SYNE2: variants seen among roughly 807,000 people sequenced by gnomAD.
The protein encoded by SYNE2 is spectrin repeat containing nuclear envelope protein 2.
SYNE2 carries 431 observed loss-of-function variants against 856.3 expected under a neutral mutation model. The ratio of observed to expected loss-of-function variants is 0.50; its 90% CI spans 0.47 to 0.55. The LOEUF (loss-of-function observed/expected upper bound fraction) is 0.55. Among genes scored for constraint, SYNE2 ranks in the 20% least tolerant of loss-of-function variants. SYNE2 has a pLI of 0.00. For synonymous variants in SYNE2, 2,923 were observed against 2,872.3 expected (o/e 1.02, Z -0.56); for missense variants, 8,129 against 8,023.2 (o/e 1.01, Z -0.50).
intron 1 of SYNE2, among the ~76,000 whole-genome samples, chr14:63,809,342 T>C (rs1204353416): frequency 6.6e-6 from 1 of 152,228 alleles, no homozygotes; most frequent in Non-Finnish European, 1.5e-5. Flanking sequence ...ATTTTCTCAA[T>C]ATTAAGAGTT....
Position 64,027,486 on chromosome 14 carries a change from A to G in SYNE2, c.6407A>G (p.His2136Arg). Residue 2136 changes from histidine (H) to arginine (R), a missense_variant and splice_region_variant, in exon 43 of 116, where the codon CAT (histidine) becomes CGT (arginine). Physicochemically the swap from His to Arg is conservative, Grantham distance 29. This residue lies in a region of SYNE2 where 297 missense variants were observed against 380.9 expected (regional missense o/e 0.78). Transcript: ENST00000555002. Reference protein sequence around the residue: ...TLHLASTYLSHQEKLLLEGEK... With the variant: ...TLHLASTYLSRQEKLLLEGEK... ...ATAAAATATTTTGTGAAATTTAGCC[A>G]TCAAGAAAAGCTTCTACTAGAAGGA... 6.3e-7 allele frequency: 1 copy of G among 1,581,938 alleles called. No individual in the cohort carries two copies. The highest frequency in any genetic ancestry group is 8.6e-7 in the Non-Finnish European group (1 of 1,166,166).
In SYNE2 at chr14:63,982,916, TA is replaced by T. The variant is rs2096597529; in HGVS notation, c.2001+128del. ...ATGCACAGTTACGTAGCCATTACCA[TA>T]AAAAATTTAGAACATTTTTATTACT... On this transcript the variant is annotated intron_variant, in intron 17 of 115. Transcript: ENST00000555002. 1.8e-5 allele frequency: 18 copies of T among 999,172 alleles called. No homozygotes were observed. The East Asian group carries it at 2.1e-4, about 12-fold the overall frequency. The allele number at this position is 999,172 out of a possible 1,614,324, so 61.9% of individuals were successfully genotyped here. A position where few individuals can be genotyped will look rare whatever the true frequency, so the allele number is the denominator to read the frequency against.
Position 64,168,907 on chromosome 14 carries a change from A to G in SYNE2, c.16936A>G (p.Thr5646Ala). ...MLEAEVSINQ[T>A]IADSYVTQSL... Reference sequence around the variant, plus strand: ...AGAAGCTGAAGTTTCTATAAACCAGACAATTGCTGATTCCTATGTCACCCA... The same window carrying G: ...AGAAGCTGAAGTTTCTATAAACCAGGCAATTGCTGATTCCTATGTCACCCA... The change falls in exon 93 of 116, where the codon ACA (threonine) becomes GCA (alanine). Residue 5646 changes from threonine (T) to alanine (A), a missense_variant. By Grantham distance (58) the Thr-to-Ala change is moderately conservative. This residue lies in a region of SYNE2 where 5,410 missense variants were observed against 5,284.8 expected (regional missense o/e 1.02). Coordinates refer to ENST00000555002, the MANE Select transcript of SYNE2 (RefSeq NM_182914.3). 1 of 1,614,082 alleles carries G rather than the reference A, an allele frequency of 6.2e-7. No homozygotes were observed. The highest frequency in any genetic ancestry group is 8.5e-7 in the Non-Finnish European group (1 of 1,179,944).
chr14:64,095,003 A>G (rs2097664898), intron 61 of SYNE2: 1 of 169,236 alleles, frequency 5.9e-6, no homozygotes, highest in Non-Finnish European at 1.5e-5. Context: ...ACATTGTTTT[A>G]TGTATTTGTA....
At chr14:63,951,940 C>T (rs561295517) in intron 7 of SYNE2, among the ~76,000 whole-genome samples, 1 of 152,310 alleles carries the variant, frequency 6.6e-6, no homozygotes, top group South Asian at 2.1e-4. Flanking sequence ...GAAAATGTAG[C>T]ACATCTTCTT....
intron 1 of SYNE2, among the ~76,000 whole-genome samples, chr14:63,846,335 A>G (rs1044226367): frequency 2.6e-5 from 4 of 152,174 alleles, no homozygotes; most frequent in African/African-American, 9.7e-5. Context: ...GGTGAGAGCC[A>G]TCGTGTGTGT....
At chr14:63,897,947 T>C (rs543970868) in intron 1 of SYNE2, among the ~76,000 whole-genome samples, 2 of 152,348 alleles carry the variant, frequency 1.3e-5, no homozygotes, top group South Asian at 4.1e-4. Context: ...CACAAATTCT[T>C]CATGGAATGC....
At chr14:63,876,729 G>A (rs971785919) in intron 1 of SYNE2, among the ~76,000 whole-genome samples, 15 of 152,072 alleles carry the variant, frequency 9.9e-5, no homozygotes, top group African/African-American at 3.6e-4. Flanking sequence ...CTTGTGATCC[G>A]CCCACCTCAG....
At chr14:63,802,403 G>A (rs985189787) in intron 1 of SYNE2, among the ~76,000 whole-genome samples, 2 of 151,874 alleles carry the variant, frequency 1.3e-5, no homozygotes, top group East Asian at 3.9e-4. Flanking sequence ...CACTACATCC[G>A]GCCACAGACT....
intron 1 of SYNE2, among the ~76,000 whole-genome samples, chr14:63,827,608 AG>A (rs1889484111): frequency 8.3e-6 from 1 of 120,702 alleles, no homozygotes; most frequent in African/African-American, 2.8e-5. Context: ...CTGGGCAACA[AG>A]ATTGAAACTC....
chr14:63,999,851 C>T (rs2096740537), intron 27 of SYNE2, among the ~76,000 whole-genome samples: 1 of 152,154 alleles, frequency 6.6e-6, no homozygotes, highest in African/African-American at 2.4e-5. Context: ...GGCTGCTCTC[C>T]ATTTTTCATC....
chr14:64,216,432 A>G, intron 108 of SYNE2, 45 bp downstream of exon 108: 2 of 1,594,918 alleles, frequency 1.3e-6, no homozygotes, highest in Non-Finnish European at 1.7e-6. Context: ...TCTGTGAGTC[A>G]TACTTACATT....
chr14:64,095,246 A>G (rs914131596), intron 61 of SYNE2: 2 of 162,882 alleles, frequency 1.2e-5, no homozygotes, highest in African/African-American at 4.8e-5. Context: ...ATATTTTAAT[A>G]GTCCTTTTGA....
At chr14:64,042,302 T>C (rs1375673904) in intron 45 of SYNE2, among the ~76,000 whole-genome samples, 2 of 152,236 alleles carry the variant, frequency 1.3e-5, no homozygotes, top group Non-Finnish European at 2.9e-5. Flanking sequence ...ACATATGTAG[T>C]GAAAGTATAA....
At chr14:63,908,962 AC>A in intron 1 of SYNE2, 135 bp from the exon 2 acceptor site, 1 of 596,880 alleles carries the variant, frequency 1.7e-6, no homozygotes, top group East Asian at 3.0e-5. Flanking sequence ...TTCTTCATGA[AC>A]CATGGAAGCA....
intron 1 of SYNE2, among the ~76,000 whole-genome samples, chr14:63,857,006 G>C (rs540770694): frequency 2.6e-4 from 39 of 152,256 alleles, no homozygotes; most frequent in African/African-American, 9.4e-4. Flanking sequence ...CTGGCCTCAA[G>C]TGATCCTCCC....
In SYNE2 at chr14:64,154,792, CAA is replaced by C. The variant is rs34020154; in HGVS notation, c.15792+2095_15792+2096del. On this transcript the variant is annotated intron_variant, in intron 85 of 115. Transcript: ENST00000555002. ...TGGGCAACACAGTGAGACCCTGTCT[CAA>C]AAAAAAAAAAAAAAAAAAGACAAAT... is the stretch of plus-strand genomic sequence containing the variant. Among the ~76,000 whole-genome samples, 189 of 91,074 alleles carry C rather than the reference CAA, an allele frequency of 2.1e-3. 2 individuals carry two copies. The highest frequency in any genetic ancestry group is 0.013 in the East Asian group (45 of 3,388). The allele number at this position is 91,074 out of a possible 152,430, so 59.7% of individuals were successfully genotyped here. A position where few individuals can be genotyped will look rare whatever the true frequency, so the allele number is the denominator to read the frequency against.
At chr14:63,850,586 T>C (rs908336927), upstream of SYNE2, among the ~76,000 whole-genome samples, 1 of 30,490 alleles carries the variant, frequency 3.3e-5, no homozygotes, top group Admixed American at 4.0e-4. Context: ...TGATTATCAC[T>C]TCAAAGTACA....
chr14:63,980,612 TA>T (rs2096578261), intron 14 of SYNE2, 41 bp from the exon 15 acceptor site: 2 of 1,370,964 alleles, frequency 1.5e-6, no homozygotes, highest in African/African-American at 2.9e-5. Flanking sequence ...GGCACAATTT[TA>T]AAAGTAAAAA....
Sources: gnomAD v4.1 joint callset for allele counts (sites outside exome capture counted in the v4.1 genomes callset) on GRCh38, gnomAD v4.1.1 for gene constraint, gnomAD v4.1.1 regional missense constraint, MANE v1.5 for transcripts, NCBI Gene and HGNC (gene_info 2026-07-23, HGNC 2026-07-21) for gene names.